NELL1: variants seen among roughly 807,000 people sequenced by gnomAD.
NELL1 encodes neural EGFL like 1.
NELL1 carries 76 observed loss-of-function variants against 107.4 expected under a neutral mutation model. The observed-to-expected ratio is 0.71, with a 90% CI of 0.59 to 0.86. NELL1 has a LOEUF of 0.86. Among genes scored for constraint, NELL1 ranks in the 40% least tolerant of loss-of-function variants. The probability of loss-of-function intolerance (pLI) is 0.00; values close to 1 mark genes in which losing one functional copy is unlikely to be tolerated. For missense variants in NELL1, 1,024 were observed against 1,005.5 expected (o/e 1.02, Z -0.25); for synonymous variants, 353 against 341.2 (o/e 1.03, Z -0.38).
At chr11:20,839,500 A>T (rs569973737) in intron 3 of NELL1, among the ~76,000 whole-genome samples, 2 of 152,344 alleles carry the variant, frequency 1.3e-5, no homozygotes, top group Admixed American at 1.3e-4. Flanking sequence ...CACCTTTGTA[A>T]GGCAGTTAAT....
chr11:20,804,941 T>TAG (rs1857350821), intron 3 of NELL1, among the ~76,000 whole-genome samples: 2 of 152,232 alleles, frequency 1.3e-5, no homozygotes, highest in Non-Finnish European at 2.9e-5. Context: ...ATATTTGCTT[T>TAG]ACACATCTGG....
chr11:21,436,596 T>C (rs2133840366), intron 15 of NELL1, among the ~76,000 whole-genome samples: 1 of 152,240 alleles, frequency 6.6e-6, no homozygotes, highest in East Asian at 1.9e-4. Flanking sequence ...AATTTTCATT[T>C]TGTTTATTTT....
At chr11:20,764,231 G>A (rs1856483725) in intron 2 of NELL1, among the ~76,000 whole-genome samples, 1 of 152,128 alleles carries the variant, frequency 6.6e-6, no homozygotes, top group Non-Finnish European at 1.5e-5. Flanking sequence ...ATATTTTAGG[G>A]TAGGATTGGA....
intron 15 of NELL1, among the ~76,000 whole-genome samples, chr11:21,386,767 C>T (rs1045004565): frequency 1.3e-5 from 2 of 151,882 alleles, no homozygotes; most frequent in African/African-American, 4.8e-5. Flanking sequence ...AATTCTATGC[C>T]TTCGCCTTTT....
chr11:21,266,076 T>C (rs963735860), intron 14 of NELL1, among the ~76,000 whole-genome samples: 1 of 152,000 alleles, frequency 6.6e-6, no homozygotes, highest in South Asian at 2.1e-4. Flanking sequence ...GATTGGATGA[T>C]TCCCTAACCC....
At chr11:21,214,563 A>G (rs1349311877) in intron 13 of NELL1, among the ~76,000 whole-genome samples, 1 of 152,186 alleles carries the variant, frequency 6.6e-6, no homozygotes, top group East Asian at 1.9e-4. Context: ...TAGGGTATGG[A>G]GAAACGATCA....
At chr11:21,368,952 C>G (rs1049880952) in intron 14 of NELL1, among the ~76,000 whole-genome samples, 3 of 151,992 alleles carry the variant, frequency 2.0e-5, no homozygotes, top group African/African-American at 7.2e-5. Context: ...TCTGCACATC[C>G]TTAGAACATC....
At chr11:20,822,923 G>A (rs1343970339) in intron 3 of NELL1, among the ~76,000 whole-genome samples, 2 of 152,196 alleles carry the variant, frequency 1.3e-5, no homozygotes, top group Non-Finnish European at 2.9e-5. Context: ...TCTAAAGTAA[G>A]TGTAGTTTGC....
rs146246839 is a variant in NELL1 at position 21,365,198 on chromosome 11, A to G, written c.1550-5655A>G. 2.5e-3 allele frequency among the ~76,000 whole-genome samples: 375 copies of G among 152,290 alleles called. 1 individual carries two copies. Among genetic ancestry groups the G allele is most frequent in the African/African-American group, 8.3e-3 (345 of 41,568 alleles). On this transcript the variant is annotated intron_variant, in intron 14 of 19. Transcript: ENST00000357134. ...GGTTTTATATGCCTTTCTCTCTGCT[A>G]TTCCACTATGAGATTCTTGGGGATG...
chr11:21,440,086 G>T (rs1302528935), intron 15 of NELL1, among the ~76,000 whole-genome samples: 2 of 152,006 alleles, frequency 1.3e-5, no homozygotes, highest in African/African-American at 4.8e-5. Flanking sequence ...ATTTGGCCAA[G>T]GTTAATACAA....
chr11:21,069,656 G>A (rs1853964308), intron 12 of NELL1, among the ~76,000 whole-genome samples: 1 of 152,170 alleles, frequency 6.6e-6, no homozygotes, highest in African/African-American at 2.4e-5. Flanking sequence ...TTAAAATTAT[G>A]TTTAAAATTA....
chr11:21,070,929 A>C (rs1543152), intron 12 of NELL1, among the ~76,000 whole-genome samples: 123,348 of 152,096 alleles, frequency 0.81, 50,362 homozygotes, highest in East Asian at 1. Context: ...AACAGGGAGC[A>C]CTACTTATCA....
At chr11:21,398,371 C>A (rs746366043) in intron 15 of NELL1, among the ~76,000 whole-genome samples, 6 of 151,660 alleles carry the variant, frequency 4.0e-5, no homozygotes, top group African/African-American at 1.5e-4. Context: ...AATCTGAAAA[C>A]CTTGTGTGAT....
chr11:20,910,192 C>T (rs994480278), intron 5 of NELL1, among the ~76,000 whole-genome samples: 4 of 152,130 alleles, frequency 2.6e-5, no homozygotes, highest in Admixed American at 6.6e-5. Context: ...TCTAACAGGC[C>T]AGCCTGGGCT....
At chr11:21,004,316 G>T (rs1447908848) in intron 12 of NELL1, among the ~76,000 whole-genome samples, 2 of 151,998 alleles carry the variant, frequency 1.3e-5, no homozygotes, top group African/African-American at 4.8e-5. Flanking sequence ...ATTAGAGTCA[G>T]TCTAGTTTAG....
chr11:21,206,801 G>A (rs571301856), intron 13 of NELL1, among the ~76,000 whole-genome samples: 2 of 152,134 alleles, frequency 1.3e-5, no homozygotes, highest in Non-Finnish European at 2.9e-5. Flanking sequence ...CTCCCTGAAG[G>A]AGAGGGCAAA....
At chr11:21,216,486 G>A (rs1234952265) in intron 13 of NELL1, among the ~76,000 whole-genome samples, 1 of 152,236 alleles carries the variant, frequency 6.6e-6, no homozygotes, top group Admixed American at 6.5e-5. Flanking sequence ...ACCAGCTCAT[G>A]AAAGCAGCTG....
At chr11:21,145,832 A>T (rs1855966852) in intron 13 of NELL1, among the ~76,000 whole-genome samples, 1 of 152,192 alleles carries the variant, frequency 6.6e-6, no homozygotes, top group South Asian at 2.1e-4. Context: ...GTATTCCAAC[A>T]TTAAATGTCA....
chr11:21,543,027 T>A (rs993616588), intron 16 of NELL1, among the ~76,000 whole-genome samples: 1 of 151,972 alleles, frequency 6.6e-6, no homozygotes, highest in Non-Finnish European at 1.5e-5. Context: ...GGAAGAGACA[T>A]GTCAGGGTGG....
Sources: allele counts gnomAD v4.1 joint callset (sites outside exome capture counted in the v4.1 genomes callset), GRCh38; gene constraint gnomAD v4.1.1; transcripts MANE v1.5; gene names NCBI Gene and HGNC (gene_info 2026-07-23, HGNC 2026-07-21).